The following CPAMD8 variants were observed in gnomAD, a reference collection of about 807,000 sequenced individuals.
CPAMD8 encodes the protein C3 and PZP like alpha-2-macroglobulin domain containing 8.
A neutral mutation model predicts 224.7 loss-of-function variants in CPAMD8; 146 were observed. That is an observed-to-expected ratio of 0.65 (90% CI 0.57 to 0.75). The LOEUF (loss-of-function observed/expected upper bound fraction) is 0.75. Ranked by LOEUF, CPAMD8 falls within the 30% of genes least tolerant of loss-of-function variation. CPAMD8 has a pLI of 0.00. For missense variants in CPAMD8, 2,301 were observed against 2,537.5 expected (o/e 0.91, Z 2.00); for synonymous variants, 966 against 1,044.6 (o/e 0.92, Z 1.45).
At chr19:16,918,275 G>A (rs999470719) in intron 27 of CPAMD8, among the ~76,000 whole-genome samples, 5 of 152,232 alleles carry the variant, frequency 3.3e-5, no homozygotes, top group East Asian at 1.9e-4. Flanking sequence ...GATTCCAAGC[G>A]TGAGCCACAG....
rs752352637 is a variant in CPAMD8, at chr19:17,002,281, C to A, written c.743G>T (p.Gly248Val). ...TCTTTCTCACCTGGCCCGCACAGTG[C>A]CTGTCTCACAGGCGTCCAGGTCTTG... ...YIQDLDACET[G>V]TVRARYTFGK... is the part of the protein sequence containing the mutation. Residue 248 changes from glycine (G) to valine (V), a missense_variant, in exon 9 of 42, where the codon GGC becomes GTC. Transcript: ENST00000443236. 18 of 1,599,692 alleles carry A rather than the reference C, an allele frequency of 1.1e-5. No individual in the cohort carries two copies. Among genetic ancestry groups the A allele is most frequent in the Non-Finnish European group, 1.5e-5 (18 of 1,171,630 alleles).
chr19:16,934,510 T>G (rs947306114), intron 23 of CPAMD8, among the ~76,000 whole-genome samples: 4 of 152,178 alleles, frequency 2.6e-5, no homozygotes, highest in African/African-American at 9.7e-5. Context: ...GGAACAGTTA[T>G]TATGAAACAT....
chr19:16,976,973 C>T (rs2055299536), intron 15 of CPAMD8, among the ~76,000 whole-genome samples: 1 of 152,010 alleles, frequency 6.6e-6, no homozygotes, highest in Admixed American at 6.6e-5. Flanking sequence ...ACCCGGGAGG[C>T]AGAGGTTGCA....
chr19:17,021,657 T>G (rs893268071), intron 2 of CPAMD8, among the ~76,000 whole-genome samples: 6 of 152,024 alleles, frequency 3.9e-5, no homozygotes, highest in Admixed American at 1.3e-4. Flanking sequence ...CAGGTCTGAG[T>G]CTAATGGTTC....
At position 16,929,136 on chromosome 19, in the gene CPAMD8, G is replaced by T; in HGVS notation, c.2950C>A (p.Arg984Ser). The T allele has an allele frequency of 6.2e-7, 1 of 1,614,056 alleles. No homozygotes were observed. The highest frequency in any genetic ancestry group is 8.5e-7 in the Non-Finnish European group (1 of 1,179,944). The change falls in exon 24 of 42, where the codon CGT becomes AGT. Residue 984 changes from arginine to serine, a missense_variant. Physicochemically the swap from Arg to Ser is moderately radical, Grantham distance 110 (BLOSUM62 -1). Around this residue, in one of 4 missense-constraint regions of CPAMD8, gnomAD observed 1,709 missense variants for 1,753.2 expected, o/e 0.97. Transcript: ENST00000443236. Reference sequence around the variant, plus strand: ...TGGGGCCCAGAAGACAAGGCCACACGGGCATCATTGTGAGCTCGCACAGCC... The same window carrying T: ...TGGGGCCCAGAAGACAAGGCCACACTGGCATCATTGTGAGCTCGCACAGCC... The part of the protein sequence containing the change: ...DVAVRAHNDA[R>S]VALSSGPQDT...
At chr19:17,019,966 C>CTTTTTTTTTTTTTTT (rs2056910542) in intron 3 of CPAMD8, among the ~76,000 whole-genome samples, 2 of 115,928 alleles carry the variant, frequency 1.7e-5, no homozygotes, top group African/African-American at 3.3e-5. Context: ...TTTTTTTTTT[C>CTTTTTTTTTTTTTTT]TTTTCTTTTT....
chr19:16,911,670 C>T (rs1185336605), intron 29 of CPAMD8, among the ~76,000 whole-genome samples: 6 of 152,158 alleles, frequency 3.9e-5, no homozygotes, highest in South Asian at 4.1e-4. Context: ...CTCAGCCTCC[C>T]GAGTAGCTGG....
chr19:16,979,841 TTCTG>T lies in CPAMD8; in HGVS notation c.1585+652_1585+655del, dbSNP rs1157848336. Among the ~76,000 whole-genome samples the T allele has an allele frequency of 5.9e-5, 9 of 151,966 alleles. No homozygotes were observed. The South Asian group carries it at 6.2e-4, about 11-fold the overall frequency. On this transcript the variant is annotated intron_variant, in intron 14 of 41. Transcript: ENST00000443236. ...TGCCTATCTATCTATCCACCCATCA[TTCTG>T]TCTATCTACCTACCTATCTCAGTGT...
intron 17 of CPAMD8, among the ~76,000 whole-genome samples, chr19:16,971,301 C>T (rs1466536549): frequency 6.6e-6 from 1 of 152,122 alleles, no homozygotes; most frequent in African/African-American, 2.4e-5. Context: ...CCCAGGTTCA[C>T]GCCTATCTCC....
At chr19:16,978,559 G>C (rs2055363914) in intron 14 of CPAMD8, among the ~76,000 whole-genome samples, 1 of 152,148 alleles carries the variant, frequency 6.6e-6, no homozygotes, top group Admixed American at 6.6e-5. Context: ...GCTACCCAGG[G>C]GATGCTGGCA....
chr19:17,007,235 G>A (rs2056515857), intron 7 of CPAMD8, among the ~76,000 whole-genome samples: 1 of 152,156 alleles, frequency 6.6e-6, no homozygotes, highest in Non-Finnish European at 1.5e-5. Context: ...TTGGGAAGCT[G>A]AGGCAGGAGA....
In CPAMD8 at chr19:16,960,217, A is replaced by T. The variant is rs145349840; in HGVS notation, c.2214-2302T>A. 1.6e-3 allele frequency among the ~76,000 whole-genome samples: 238 copies of T among 152,204 alleles called. 1 individual carries two copies. The Middle Eastern group carries it at 0.017, about 11-fold the overall frequency. ...GCTGCTCCTTCTCCTTTCTCAAAAAAAAAAAAAAGGCTTTCTCAAAATTTG... is the reference window on the plus strand; with the variant it reads ...GCTGCTCCTTCTCCTTTCTCAAAAATAAAAAAAAGGCTTTCTCAAAATTTG... On this transcript the variant is annotated intron_variant, in intron 18 of 41. Coordinates refer to ENST00000443236, the MANE Select transcript of CPAMD8 (RefSeq NM_015692.5).
intron 19 of CPAMD8, among the ~76,000 whole-genome samples, chr19:16,956,970 T>C (rs2054492673): frequency 6.6e-6 from 1 of 152,022 alleles, no homozygotes. Flanking sequence ...CCAGCCCTAA[T>C]AAAAGTTAAT....
chr19:16,922,005 G>C lies in CPAMD8; in HGVS notation c.3548-19C>G, dbSNP rs1472002112. The C allele has an allele frequency of 5.9e-6, 9 of 1,536,866 alleles. No homozygotes were observed. The highest frequency in any genetic ancestry group is 3.6e-5 in the South Asian group (3 of 83,782). ...TGGTAGCCTGTGGGGCAAGCAGAGA[G>C]GACCCTGTCCTGTTGAGTGGCCTGG... On this transcript the variant is annotated intron_variant, in intron 26 of 41. Coordinates refer to ENST00000443236, the MANE Select transcript of CPAMD8 (RefSeq NM_015692.5).
At chr19:16,996,367 C>T (rs2056122702) in intron 11 of CPAMD8, among the ~76,000 whole-genome samples, 1 of 151,788 alleles carries the variant, frequency 6.6e-6, no homozygotes, top group Non-Finnish European at 1.5e-5. Flanking sequence ...AGGATCATGA[C>T]ATCTGGACAC....
At chr19:16,986,007 T>C (rs574211179) in intron 13 of CPAMD8, among the ~76,000 whole-genome samples, 112 of 152,256 alleles carry the variant, frequency 7.4e-4, no homozygotes, top group African/African-American at 2.6e-3. Context: ...CCCCTTCTGC[T>C]TGAGATCTTG....
At chr19:16,902,536 A>C (rs1568452700) in intron 35 of CPAMD8, 113 bp downstream of exon 35, 1 of 668,970 alleles carries the variant, frequency 1.5e-6, no homozygotes, top group East Asian at 2.8e-5. Context: ...AAACAAAACA[A>C]AAACCACCAC....
chr19:16,914,849 G>C (rs2052884984), intron 27 of CPAMD8, 36 bp from the exon 28 acceptor site: 32 of 1,509,506 alleles, frequency 2.1e-5, no homozygotes, highest in Non-Finnish European at 2.9e-5. Flanking sequence ...AGGGGTTGCA[G>C]AATGGTCAGC....
At chr19:16,901,850 G>T (rs1196380166) in intron 35 of CPAMD8, among the ~76,000 whole-genome samples, 1 of 152,140 alleles carries the variant, frequency 6.6e-6, no homozygotes, top group African/African-American at 2.4e-5. Context: ...TGCAGCTGCG[G>T]GGAGTGCACC....
Sources: gnomAD v4.1 joint callset for allele counts (sites outside exome capture counted in the v4.1 genomes callset) on GRCh38, gnomAD v4.1.1 for gene constraint, gnomAD v4.1.1 regional missense constraint, MANE v1.5 for transcripts, NCBI Gene and HGNC (gene_info 2026-07-23, HGNC 2026-07-21) for gene names.